Variants in ACMSD observed in about 807,000 individuals in gnomAD.
ACMSD encodes aminocarboxymuconate semialdehyde decarboxylase.
In ACMSD, 37 loss-of-function variants were observed where a neutral mutation model predicts 45.9. The observed-to-expected ratio is 0.81, with a 90% CI of 0.62 to 1.06. ACMSD has a LOEUF of 1.06. Ranked by LOEUF, ACMSD falls within the 50% of genes least tolerant of loss-of-function variation. ACMSD has a pLI of 0.00. For missense variants in ACMSD, 434 were observed against 420.9 expected (o/e 1.03, Z -0.27); for synonymous variants, 138 against 148.8 (o/e 0.93, Z 0.53).
intron 4 of ACMSD, chr2:134,862,973 C>T (rs1687917117): frequency 3.0e-6 from 3 of 985,336 alleles, no homozygotes; most frequent in Non-Finnish European, 3.6e-6. Flanking sequence ...AGTGAGCCAG[C>T]CTGGCGGCCC....
At chr2:134,900,459 A>C (rs1690434047) in intron 9 of ACMSD, among the ~76,000 whole-genome samples, 1 of 152,110 alleles carries the variant, frequency 6.6e-6, no homozygotes, top group African/African-American at 2.4e-5. Flanking sequence ...AATGGCCCCA[A>C]AGCACAAGAG....
intron 4 of ACMSD, chr2:134,863,114 G>T (rs1260560420): frequency 1.1e-6 from 1 of 907,692 alleles, no homozygotes; most frequent in Non-Finnish European, 1.3e-6. Flanking sequence ...TCCATCTCTA[G>T]TGTTGGGATA....
chr2:134,878,888 T>G (rs762182684), intron 8 of ACMSD, among the ~76,000 whole-genome samples: 3 of 152,174 alleles, frequency 2.0e-5, no homozygotes, highest in Non-Finnish European at 4.4e-5. Flanking sequence ...GCCACAAATC[T>G]CTGAGAAAAG....
intron 1 of ACMSD, among the ~76,000 whole-genome samples, chr2:134,843,377 G>A (rs1370118423): frequency 6.6e-6 from 1 of 152,146 alleles, no homozygotes; most frequent in African/African-American, 2.4e-5. Context: ...TTGGGGCTAG[G>A]ACTCAAGAAC....
At chr2:134,895,077 G>T (rs908226190) in intron 8 of ACMSD, among the ~76,000 whole-genome samples, 1 of 151,768 alleles carries the variant, frequency 6.6e-6, no homozygotes, top group African/African-American at 2.4e-5. Flanking sequence ...AGGCCAAGGC[G>T]GGTGGATCAT....
chr2:134,857,133 T>TA lies in ACMSD; in HGVS notation c.103-2127dup, dbSNP rs1687621227. On this transcript the variant is annotated intron_variant, in intron 2 of 9. Coordinates refer to ENST00000356140, the MANE Select transcript of ACMSD (RefSeq NM_138326.3). ...AGATTCATTCCTAAGTATTTTTAAA[T>TA]ACTATTTTAAATGGGATTGCCTAAT... Among the ~76,000 whole-genome samples, 3 of 152,202 alleles carry TA rather than the reference T, an allele frequency of 2.0e-5. No individual in the cohort carries two copies. The South Asian group carries it at 6.2e-4, about 32-fold the overall frequency.
At chr2:134,875,035 C>T (rs996588441) in intron 8 of ACMSD, among the ~76,000 whole-genome samples, 5 of 152,206 alleles carry the variant, frequency 3.3e-5, no homozygotes, top group Non-Finnish European at 5.9e-5. Context: ...GGGTTTCACT[C>T]TGTTACCCAG....
At chr2:134,856,085 A>G (rs1687567540) in intron 2 of ACMSD, among the ~76,000 whole-genome samples, 1 of 152,214 alleles carries the variant, frequency 6.6e-6, no homozygotes, top group Non-Finnish European at 1.5e-5. Context: ...AATAACCATA[A>G]TAACACTTAT....
At chr2:134,872,792 C>T in intron 8 of ACMSD, 151 bp downstream of exon 8, 1 of 870,580 alleles carries the variant, frequency 1.1e-6, no homozygotes, top group Non-Finnish European at 1.8e-6. Flanking sequence ...ATTAGGTTTG[C>T]TCACACAGGG....
Position 134,838,653 on chromosome 2 carries a change from T to C in ACMSD, c.-30T>C. 1.9e-6 allele frequency: 3 copies of C among 1,596,992 alleles called. No individual in the cohort carries two copies. The highest frequency in any genetic ancestry group is 1.3e-5 in the African/African-American group (1 of 74,344). ...AAGGTCTCTTGATATCAAAACTTCT[T>C]TCCTTGCATGCTTCTCTGATCCTGT... On this transcript the variant is annotated 5_prime_UTR_variant, in exon 1 of 10. Transcript: ENST00000356140.
At chr2:134,897,842 A>G (rs1040611211) in intron 8 of ACMSD, among the ~76,000 whole-genome samples, 1 of 151,306 alleles carries the variant, frequency 6.6e-6, no homozygotes, top group African/African-American at 2.4e-5. Context: ...GAACTGATCC[A>G]GAGATAGGGG....
At chr2:134,870,940 A>C in intron 6 of ACMSD, 25 bp from the exon 7 acceptor site, 3 of 1,601,636 alleles carry the variant, frequency 1.9e-6, no homozygotes, top group Non-Finnish European at 2.6e-6. Context: ...TCATCCCTGA[A>C]CCTTGTGACT....
intron 2 of ACMSD, among the ~76,000 whole-genome samples, chr2:134,850,897 T>C (rs1687310475): frequency 6.6e-6 from 1 of 152,200 alleles, no homozygotes; most frequent in Non-Finnish European, 1.5e-5. Context: ...ACCCAGTTAG[T>C]GAGCATAGTA....
intron 7 of ACMSD, among the ~76,000 whole-genome samples, chr2:134,871,312 G>T (rs183097083): frequency 6.6e-6 from 1 of 151,930 alleles, no homozygotes; most frequent in Admixed American, 6.6e-5. Context: ...TTGGATTAAG[G>T]CCCCACCTTA....
chr2:134,864,476 GAA>G (rs1334465504), intron 5 of ACMSD, among the ~76,000 whole-genome samples: 1 of 152,078 alleles, frequency 6.6e-6, no homozygotes, highest in Non-Finnish European at 1.5e-5. Context: ...TAATGAACCT[GAA>G]ATTCTGTTAC....
chr2:134,885,306 A>AATATATATATATGTAAAT (rs1689300025), intron 8 of ACMSD, among the ~76,000 whole-genome samples: 1 of 75,422 alleles, frequency 1.3e-5, no homozygotes, highest in South Asian at 3.5e-4. Flanking sequence ...TATATATTTA[A>AATATATATATATGTAAAT]ATATATATAT....
At chr2:134,847,113 C>T (rs1316700471) in intron 2 of ACMSD, among the ~76,000 whole-genome samples, 1 of 152,136 alleles carries the variant, frequency 6.6e-6, no homozygotes, top group Non-Finnish European at 1.5e-5. Context: ...CACATGGGGA[C>T]TTGCAGGGCA....
chr2:134,871,947 A>G (rs1573669027), intron 7 of ACMSD, among the ~76,000 whole-genome samples: 2 of 139,166 alleles, frequency 1.4e-5, no homozygotes, highest in African/African-American at 5.4e-5. Flanking sequence ...ATCTTTACAC[A>G]CTTGCCTTCA....
intron 8 of ACMSD, among the ~76,000 whole-genome samples, chr2:134,885,292 T>TATATATA (rs1491203378): frequency 0.44 from 43,464 of 99,284 alleles, 9,970 homozygotes; most frequent in Middle Eastern, 0.78. Context: ...ATATTATATT[T>TATATATA]ATATATATAT....
Sources: allele counts gnomAD v4.1 joint callset (sites outside exome capture counted in the v4.1 genomes callset), GRCh38; gene constraint gnomAD v4.1.1; transcripts MANE v1.5; gene names NCBI Gene and HGNC (gene_info 2026-07-23, HGNC 2026-07-21).